KHDRBS2: variants seen among roughly 807,000 people sequenced by gnomAD.
The protein encoded by KHDRBS2 is KH domain-containing, RNA-binding, signal transduction-associated protein 2.
Under a neutral mutation model 44.3 loss-of-function variants are expected in KHDRBS2, and 26 were observed. That is an observed-to-expected ratio of 0.59 (90% CI 0.43 to 0.81). The LOEUF (loss-of-function observed/expected upper bound fraction) is 0.81, where lower values mean the gene tolerates loss of function less well. Among genes scored for constraint, KHDRBS2 ranks in the 40% least tolerant of loss-of-function variants. The pLI, the probability that KHDRBS2 is intolerant of heterozygous loss-of-function variation, is 0.00. For synonymous variants in KHDRBS2, 194 were observed against 151.1 expected (o/e 1.28, Z -2.08); for missense variants, 476 against 433.1 (o/e 1.10, Z -0.88).
chr6:61,813,397 C>G (rs1015081363), intron 6 of KHDRBS2, among the ~76,000 whole-genome samples: 3 of 152,114 alleles, frequency 2.0e-5, no homozygotes, highest in African/African-American at 7.2e-5. Context: ...TAGCATGCTA[C>G]TGCAAGGAGA....
intron 4 of KHDRBS2, among the ~76,000 whole-genome samples, chr6:61,945,113 GTATATATATATATATA>G (rs61105265): frequency 1.3e-3 from 19 of 14,994 alleles, no homozygotes; most frequent in South Asian, 7.0e-3. Flanking sequence ...AAAAAAAAAA[GTATATATATATATATA>G]TATATATATA....
At chr6:61,574,976 A>T in the KHDRBS2 span, among the ~76,000 whole-genome samples, 1 of 152,200 alleles carries the variant, frequency 6.6e-6, no homozygotes, top group Non-Finnish European at 1.5e-5. Flanking sequence ...CTCAAGATGG[A>T]TGAAAAACTT....
At chr6:61,927,834 AC>A (rs1435359201) in intron 4 of KHDRBS2, among the ~76,000 whole-genome samples, 3 of 152,168 alleles carry the variant, frequency 2.0e-5, no homozygotes, top group Non-Finnish European at 4.4e-5. Flanking sequence ...TTTAATTCTT[AC>A]AGCTGAGATT....
At chr6:62,220,437 C>T (rs1440816444) in intron 1 of KHDRBS2, among the ~76,000 whole-genome samples, 1 of 151,742 alleles carries the variant, frequency 6.6e-6, no homozygotes, top group Non-Finnish European at 1.5e-5. Flanking sequence ...TACACATATA[C>T]ACAAATATAC....
intron 6 of KHDRBS2, among the ~76,000 whole-genome samples, chr6:61,823,525 G>T (rs1344988025): frequency 4.6e-5 from 7 of 152,014 alleles, no homozygotes; most frequent in African/African-American, 1.4e-4. Context: ...TTCAGAAATA[G>T]AATATTTCTT....
At chr6:61,895,635 T>C (rs1227118812) in intron 5 of KHDRBS2, among the ~76,000 whole-genome samples, 1 of 152,226 alleles carries the variant, frequency 6.6e-6, no homozygotes, top group African/African-American at 2.4e-5. Flanking sequence ...CCAATTTTTA[T>C]GGCATTTTGA....
chr6:61,983,400 C>T (rs1042789152), intron 3 of KHDRBS2, among the ~76,000 whole-genome samples: 1 of 151,500 alleles, frequency 6.6e-6, no homozygotes, highest in Admixed American at 6.6e-5. Context: ...CTTTATGGAG[C>T]CACTGCTTAC....
At chr6:62,134,395 T>A (rs764163100) in intron 2 of KHDRBS2, among the ~76,000 whole-genome samples, 15 of 152,026 alleles carry the variant, frequency 9.9e-5, no homozygotes, top group African/African-American at 2.9e-4. Flanking sequence ...TTTCAGAGGA[T>A]GTATGGAAAT....
chr6:61,885,134 T>C (rs1352646862), intron 6 of KHDRBS2, among the ~76,000 whole-genome samples: 1 of 152,136 alleles, frequency 6.6e-6, no homozygotes, highest in Non-Finnish European at 1.5e-5. Flanking sequence ...CAAATCCCTA[T>C]GCTTTTTGGA....
chr6:61,571,545 A>G, the KHDRBS2 span, among the ~76,000 whole-genome samples: 2 of 151,998 alleles, frequency 1.3e-5, no homozygotes, highest in South Asian at 4.1e-4. Context: ...CTGAAACTAT[A>G]CCCTAGAAAA....
At chr6:61,881,576 T>C (rs1800215768) in intron 6 of KHDRBS2, among the ~76,000 whole-genome samples, 1 of 151,956 alleles carries the variant, frequency 6.6e-6, no homozygotes, top group African/African-American at 2.4e-5. Flanking sequence ...AAGTCACAAA[T>C]GGCATCAGCA....
chr6:61,709,417 T>C (rs947653825), intron 7 of KHDRBS2, among the ~76,000 whole-genome samples: 3 of 151,578 alleles, frequency 2.0e-5, no homozygotes, highest in African/African-American at 7.3e-5. Flanking sequence ...AATGATTCCT[T>C]TTATAAAAAA....
At chr6:62,097,491 C>T (rs926672006) in intron 2 of KHDRBS2, among the ~76,000 whole-genome samples, 2 of 151,926 alleles carry the variant, frequency 1.3e-5, no homozygotes, top group Admixed American at 6.6e-5. Context: ...ATGACCTTGT[C>T]TCTTTTTACA....
At chr6:62,219,788 T>G (rs1673477940) in intron 1 of KHDRBS2, among the ~76,000 whole-genome samples, 1 of 148,244 alleles carries the variant, frequency 6.7e-6, no homozygotes, top group African/African-American at 2.4e-5. Flanking sequence ...ATATATATTT[T>G]TATTTACTAT....
chr6:62,284,943 A>T (rs758262047), intron 1 of KHDRBS2, among the ~76,000 whole-genome samples: 37 of 152,242 alleles, frequency 2.4e-4, no homozygotes, highest in Non-Finnish European at 4.6e-4. Context: ...CTGCATTGTA[A>T]CCAATTTGAT....
chr6:62,211,219 C>CA (rs2150145061), intron 1 of KHDRBS2, among the ~76,000 whole-genome samples: 1 of 152,154 alleles, frequency 6.6e-6, no homozygotes, highest in Admixed American at 6.6e-5. Context: ...AATTATTTTA[C>CA]AAGCAGGATA....
chr6:61,869,314 G>A (rs1798250791), intron 6 of KHDRBS2, among the ~76,000 whole-genome samples: 1 of 152,190 alleles, frequency 6.6e-6, no homozygotes, highest in African/African-American at 2.4e-5. Context: ...TAATAGCAAT[G>A]TTAGAAGCAA....
intron 4 of KHDRBS2, among the ~76,000 whole-genome samples, chr6:61,917,524 T>G (rs1010227389): frequency 8.6e-5 from 13 of 151,854 alleles, no homozygotes; most frequent in African/African-American, 3.1e-4. Flanking sequence ...CACAGAAAAT[T>G]TCAGGTAATG....
rs2127397179 is a variant in KHDRBS2, at chr6:61,967,779, C to T, written c.483+10287G>A. Among the ~76,000 whole-genome samples, 3 of 151,582 alleles carry T rather than the reference C, an allele frequency of 2.0e-5. No homozygotes were observed. The Admixed American group carries it at 2.0e-4, about 10-fold the overall frequency. On this transcript the variant is annotated intron_variant, in intron 4 of 8. Coordinates refer to ENST00000281156, the MANE Select transcript of KHDRBS2 (RefSeq NM_152688.4). ...AGGCTCTACATTATTATTTTGCCTG[C>T]TCTTAAAATTTCCATGAGAATCTCC... is the stretch of plus-strand genomic sequence containing the variant.
Sources: allele counts gnomAD v4.1 joint callset (sites outside exome capture counted in the v4.1 genomes callset), GRCh38; gene constraint gnomAD v4.1.1; transcripts MANE v1.5; gene names NCBI Gene and HGNC (gene_info 2026-07-23, HGNC 2026-07-21).